The following SIPA1L3 variants were observed in gnomAD, a reference collection of about 807,000 sequenced individuals.
The protein encoded by SIPA1L3 is signal induced proliferation associated 1 like 3, also known as signal-induced proliferation-associated 1-like protein 3.
SIPA1L3 carries 59 observed loss-of-function variants against 150.1 expected under a neutral mutation model. The ratio of observed to expected loss-of-function variants is 0.39; its 90% CI spans 0.32 to 0.49. The LOEUF (loss-of-function observed/expected upper bound fraction) is 0.49, where lower values mean the gene tolerates loss of function less well. Ranked by LOEUF, SIPA1L3 falls within the 20% of genes least tolerant of loss-of-function variation. SIPA1L3 has a pLI of 0.86. For synonymous variants in SIPA1L3, 1,070 were observed against 1,077.6 expected, an observed-to-expected ratio of 0.99 and a Z score of 0.14; for missense variants, 2,211 against 2,489.5, an observed-to-expected ratio of 0.89 and a Z score of 2.38.
intron 15 of SIPA1L3, among the ~76,000 whole-genome samples, chr19:38,168,795 C>T (rs1308437864): frequency 6.6e-6 from 1 of 152,132 alleles, no homozygotes; most frequent in African/African-American, 2.4e-5. Context: ...GAGGGCCCTG[C>T]GGTTGGGAGC....
At chr19:38,019,450 C>T (rs1452934671) in intron 1 of SIPA1L3, among the ~76,000 whole-genome samples, 20 of 152,190 alleles carry the variant, frequency 1.3e-4, no homozygotes, top group Admixed American at 1.2e-3. Context: ...TGCGTTTCTG[C>T]TGAGGAATTT....
intron 19 of SIPA1L3, among the ~76,000 whole-genome samples, chr19:38,201,615 C>A (rs1037412925): frequency 6.6e-6 from 1 of 152,172 alleles, no homozygotes; most frequent in Non-Finnish European, 1.5e-5. Context: ...TCAGCCCTTG[C>A]GTTTTGTATG....
intron 1 of SIPA1L3, among the ~76,000 whole-genome samples, chr19:38,000,900 A>ATATATATATGTTATATATATGTTATATGT (rs765478735): frequency 7.6e-6 from 1 of 131,410 alleles, no homozygotes; most frequent in Non-Finnish European, 1.6e-5. Context: ...TATGTTATAT[A>ATATATATATGTTATATATATGTTATATGT]TATATATATA....
At chr19:38,165,701 C>A (rs1302372490) in intron 15 of SIPA1L3, among the ~76,000 whole-genome samples, 1 of 152,182 alleles carries the variant, frequency 6.6e-6, no homozygotes, top group East Asian at 1.9e-4. Flanking sequence ...CAGCTGCTGG[C>A]CCCCACCCAG....
intron 1 of SIPA1L3, among the ~76,000 whole-genome samples, chr19:37,950,768 A>G (rs1311025083): frequency 2.0e-5 from 3 of 152,342 alleles, no homozygotes; most frequent in East Asian, 1.9e-4. Context: ...GTACCCCGGC[A>G]TGCGGCACTT....
chr19:38,071,014 A>C (rs946091009), intron 2 of SIPA1L3, among the ~76,000 whole-genome samples: 10 of 152,156 alleles, frequency 6.6e-5, no homozygotes, highest in Admixed American at 3.3e-4. Context: ...AGGACAGCCC[A>C]TCCCACCCCT....
intron 5 of SIPA1L3, 141 bp from the exon 6 acceptor site, chr19:38,100,911 T>C: frequency 1.1e-6 from 1 of 915,526 alleles, no homozygotes; most frequent in African/African-American, 1.7e-5. Context: ...CAACACTGTT[T>C]TCCCCTGTCT....
intron 20 of SIPA1L3, among the ~76,000 whole-genome samples, chr19:38,203,278 C>T (rs540122968): frequency 6.6e-6 from 1 of 152,326 alleles, no homozygotes; most frequent in South Asian, 2.1e-4. Flanking sequence ...GGCGGCGCTC[C>T]TGGAGTCCAT....
At chr19:38,055,200 A>G (rs1969288898) in intron 2 of SIPA1L3, among the ~76,000 whole-genome samples, 1 of 152,184 alleles carries the variant, frequency 6.6e-6, no homozygotes, top group African/African-American at 2.4e-5. Flanking sequence ...ACAAAAAACC[A>G]GTAAGCCGTG....
chr19:38,037,012 A>G (rs1169402652), intron 2 of SIPA1L3, among the ~76,000 whole-genome samples: 1 of 152,200 alleles, frequency 6.6e-6, no homozygotes, highest in East Asian at 1.9e-4. Context: ...TACGATACTC[A>G]GTGAGCAGTA....
At chr19:37,971,592 G>A (rs190360565) in intron 1 of SIPA1L3, among the ~76,000 whole-genome samples, 6 of 151,274 alleles carry the variant, frequency 4.0e-5, no homozygotes, top group Non-Finnish European at 8.8e-5. Flanking sequence ...CAGAGACAGA[G>A]TCTTGCTCTG....
chr19:38,036,497 CAGG>C (rs779004929), intron 2 of SIPA1L3, among the ~76,000 whole-genome samples: 63 of 152,346 alleles, frequency 4.1e-4, no homozygotes, highest in Non-Finnish European at 7.9e-4. Flanking sequence ...TCTGCCCCCT[CAGG>C]AGCACAGAGT....
rs35998048 is a variant in SIPA1L3 at position 37,998,979 on chromosome 19, T to TCACACACA, written c.-378-30084_-378-30077dup. 1.8e-3 allele frequency among the ~76,000 whole-genome samples: 258 copies of TCACACACA among 146,014 alleles called. 2 individuals carry two copies. The highest frequency in any genetic ancestry group is 6.3e-3 in the African/African-American group (247 of 39,270). On this transcript the variant is annotated intron_variant, in intron 1 of 21. Coordinates refer to ENST00000222345, the MANE Select transcript of SIPA1L3 (RefSeq NM_015073.3). ...ACAGAACAAAAACCAGCCCTATCTA[T>TCACACACA]CACACACACACACACACACACACAC...
At chr19:38,076,213 C>G (rs561666395) in intron 2 of SIPA1L3, among the ~76,000 whole-genome samples, 1 of 151,922 alleles carries the variant, frequency 6.6e-6, no homozygotes, top group African/African-American at 2.4e-5. Flanking sequence ...GTCATGAATA[C>G]ATAAAATATA....
intron 12 of SIPA1L3, among the ~76,000 whole-genome samples, chr19:38,149,357 C>G (rs1600137636): frequency 6.6e-6 from 1 of 152,148 alleles, no homozygotes; most frequent in East Asian, 1.9e-4. Flanking sequence ...TGCACTCCAG[C>G]CTAAGCAATA....
chr19:38,192,566 C>T (rs550104111), intron 17 of SIPA1L3, among the ~76,000 whole-genome samples: 12 of 152,300 alleles, frequency 7.9e-5, no homozygotes, highest in Non-Finnish European at 1.8e-4. Context: ...CCGAGAACCT[C>T]GCACAACTGG....
chr19:37,989,057 CTT>C (rs1599872829), intron 1 of SIPA1L3, among the ~76,000 whole-genome samples: 3 of 152,300 alleles, frequency 2.0e-5, no homozygotes, highest in East Asian at 3.9e-4. Flanking sequence ...GCCTTGTCTG[CTT>C]TCCTGTGGTT....
intron 1 of SIPA1L3, among the ~76,000 whole-genome samples, chr19:37,925,383 T>G (rs184883071): frequency 5.3e-5 from 8 of 150,736 alleles, no homozygotes; most frequent in Non-Finnish European, 8.9e-5. Context: ...CTGAAGGAGG[T>G]GAGGGAGTGG....
intron 12 of SIPA1L3, among the ~76,000 whole-genome samples, chr19:38,146,333 C>T (rs147941651): frequency 6.6e-6 from 1 of 152,258 alleles, no homozygotes; most frequent in African/African-American, 2.4e-5. Flanking sequence ...TCTAGATATA[C>T]CACAGTTTAA....
Sources: allele counts gnomAD v4.1 joint callset (sites outside exome capture counted in the v4.1 genomes callset), GRCh38; gene constraint gnomAD v4.1.1; transcripts MANE v1.5; gene names NCBI Gene and HGNC (gene_info 2026-07-23, HGNC 2026-07-21).